Variants in CDH12 observed in about 807,000 individuals in gnomAD.
CDH12 encodes cadherin-12.
In CDH12, 41 loss-of-function variants were observed where a neutral mutation model predicts 74.1. That is an observed-to-expected ratio of 0.55 (90% confidence interval 0.43 to 0.72). CDH12 has a LOEUF of 0.72. Among genes scored for constraint, CDH12 ranks in the 30% least tolerant of loss-of-function variants. The pLI, the probability that CDH12 is intolerant of heterozygous loss-of-function variation, is 0.00. For synonymous variants in CDH12, 399 were observed against 355.0 expected (o/e 1.12, Z -1.39); for missense variants, 945 against 977.2 (o/e 0.97, Z 0.44).
intron 4 of CDH12, among the ~76,000 whole-genome samples, chr5:22,197,090 A>G (rs2150351392): frequency 6.6e-6 from 1 of 152,324 alleles, no homozygotes; most frequent in East Asian, 1.9e-4. Flanking sequence ...TAAGATTTTC[A>G]TTAATAAGAA....
chr5:22,236,341 A>G (rs1460451618), intron 3 of CDH12, among the ~76,000 whole-genome samples: 2 of 152,210 alleles, frequency 1.3e-5, no homozygotes, highest in African/African-American at 2.4e-5. Flanking sequence ...ACAAACACAT[A>G]CAGCTGTACA....
intron 6 of CDH12, among the ~76,000 whole-genome samples, chr5:21,924,336 C>G (rs1170462015): frequency 2.0e-5 from 3 of 151,944 alleles, no homozygotes; most frequent in Non-Finnish European, 2.9e-5. Flanking sequence ...GCCAACACGG[C>G]AAAACCCTGT....
intron 6 of CDH12, chr5:21,882,589 G>C: frequency 6.3e-7 from 1 of 1,588,762 alleles, no homozygotes. Flanking sequence ...CCACAGAAAT[G>C]CTTCGGTTAC....
At chr5:22,842,394 G>T (rs999529608) in intron 1 of CDH12, among the ~76,000 whole-genome samples, 1 of 152,152 alleles carries the variant, frequency 6.6e-6, no homozygotes, top group Non-Finnish European at 1.5e-5. Flanking sequence ...TGTCTGAGAG[G>T]AGGGATTTAC....
At chr5:22,240,586 T>A (rs535407647) in intron 3 of CDH12, among the ~76,000 whole-genome samples, 111 of 152,338 alleles carry the variant, frequency 7.3e-4, no homozygotes, top group Non-Finnish European at 1.2e-3. Context: ...TAGGCTGGAC[T>A]GCAATGGTGC....
At chr5:22,787,938 A>G (rs1056085936) in intron 1 of CDH12, among the ~76,000 whole-genome samples, 9 of 152,164 alleles carry the variant, frequency 5.9e-5, no homozygotes, top group African/African-American at 2.2e-4. Flanking sequence ...TGACATACCA[A>G]CACTTTTGCT....
intron 3 of CDH12, among the ~76,000 whole-genome samples, chr5:22,232,850 A>AAT (rs898025846): frequency 2.4e-4 from 36 of 147,184 alleles, no homozygotes; most frequent in South Asian, 1.1e-3. Context: ...TTCTCATTTA[A>AAT]ATATATATAT....
rs10677695 is a variant in CDH12, at chr5:22,698,122, C to CTTTTTTTTTTTTT, written c.-523+154923_-523+154935dup. 3.8e-4 allele frequency among the ~76,000 whole-genome samples: 35 copies of CTTTTTTTTTTTTT among 91,176 alleles called. 3 individuals are homozygous for CTTTTTTTTTTTTT. The highest frequency in any genetic ancestry group is 5.0e-4 in the Admixed American group (3 of 5,942). 59.8% of individuals were successfully genotyped at this position (91,176 alleles called of 152,430 possible). On this transcript the variant is annotated intron_variant, in intron 1 of 14. Coordinates refer to ENST00000382254, the MANE Select transcript of CDH12 (RefSeq NM_004061.5). Reference sequence around the variant, plus strand: ...CCTTAATGCCCGCATAAAGGCAGGGCTTTTTTTTTTTTTTTTGAGATGGAG... The same window carrying CTTTTTTTTTTTTT: ...CCTTAATGCCCGCATAAAGGCAGGGCTTTTTTTTTTTTTTTTTTTTTTTTTTTTTGAGATGGAG...
intron 6 of CDH12, among the ~76,000 whole-genome samples, chr5:21,874,046 A>G (rs1187300167): frequency 6.6e-6 from 1 of 152,110 alleles, no homozygotes; most frequent in Non-Finnish European, 1.5e-5. Flanking sequence ...TGCTATTGTG[A>G]GTGGTGCTGC....
At chr5:22,548,070 A>T (rs773824020) in intron 1 of CDH12, among the ~76,000 whole-genome samples, 25 of 152,222 alleles carry the variant, frequency 1.6e-4, no homozygotes, top group Non-Finnish European at 4.4e-5. Context: ...AAATGTCATG[A>T]CACCTTCTGC....
chr5:22,072,598 A>G (rs1288758996), intron 5 of CDH12, among the ~76,000 whole-genome samples: 1 of 148,856 alleles, frequency 6.7e-6, no homozygotes, highest in East Asian at 2.0e-4. Flanking sequence ...TTATACTTTA[A>G]GTTATAGGGT....
chr5:21,909,849 T>C (rs934443909), intron 6 of CDH12, among the ~76,000 whole-genome samples: 10 of 152,196 alleles, frequency 6.6e-5, no homozygotes, highest in Non-Finnish European at 1.3e-4. Context: ...TTGTCACTCA[T>C]TGATTATAAC....
intron 1 of CDH12, among the ~76,000 whole-genome samples, chr5:22,720,226 T>C (rs1043887049): frequency 6.6e-6 from 1 of 152,186 alleles, no homozygotes; most frequent in Non-Finnish European, 1.5e-5. Context: ...GTAAGTGAGT[T>C]CTCACAATTT....
At chr5:22,381,131 ATCTAT>A (rs1381964606) in intron 3 of CDH12, among the ~76,000 whole-genome samples, 3 of 152,078 alleles carry the variant, frequency 2.0e-5, no homozygotes, top group Non-Finnish European at 4.4e-5. Context: ...CACAATTGCA[ATCTAT>A]TCTATCTTTC....
intron 2 of CDH12, among the ~76,000 whole-genome samples, chr5:22,481,068 T>G (rs182627585): frequency 6.6e-6 from 1 of 152,234 alleles, no homozygotes; most frequent in African/African-American, 2.4e-5. Flanking sequence ...ACCTGTTATC[T>G]CTTATGTTCA....
chr5:21,980,024 T>C (rs1424638034), intron 5 of CDH12, among the ~76,000 whole-genome samples: 2 of 151,856 alleles, frequency 1.3e-5, no homozygotes, highest in Non-Finnish European at 2.9e-5. Context: ...GATTTGCATT[T>C]CTCTGATGGC....
intron 3 of CDH12, among the ~76,000 whole-genome samples, chr5:22,271,966 G>T (rs550560905): frequency 6.6e-6 from 1 of 152,184 alleles, no homozygotes; most frequent in East Asian, 1.9e-4. Context: ...ATGAGTGTTG[G>T]TTTCAACTTA....
At chr5:22,125,726 T>A (rs1404655547) in intron 4 of CDH12, among the ~76,000 whole-genome samples, 1 of 152,158 alleles carries the variant, frequency 6.6e-6, no homozygotes, top group Non-Finnish European at 1.5e-5. Context: ...CATGTACACA[T>A]CCCAGTGTTT....
chr5:22,483,845 C>A (rs1011301830), intron 2 of CDH12, among the ~76,000 whole-genome samples: 5 of 141,668 alleles, frequency 3.5e-5, no homozygotes, highest in African/African-American at 1.3e-4. Flanking sequence ...CACTTGAGCC[C>A]AGGAATTGGA....
Sources: gnomAD v4.1 joint callset for allele counts (sites outside exome capture counted in the v4.1 genomes callset) on GRCh38, gnomAD v4.1.1 for gene constraint, MANE v1.5 for transcripts, NCBI Gene and HGNC (gene_info 2026-07-23, HGNC 2026-07-21) for gene names.